The following AFG1L variants were observed in gnomAD, a reference collection of about 807,000 sequenced individuals.
AFG1L encodes the protein AFG1 like ATPase.
In AFG1L, 53 loss-of-function variants were observed where a neutral mutation model predicts 62.2. That is an observed-to-expected ratio of 0.85 (90% CI 0.68 to 1.07). The LOEUF is 1.07. AFG1L is among the 50% of genes least tolerant of loss of function. The probability of loss-of-function intolerance (pLI) is 0.00; values close to 1 mark genes in which losing one functional copy is unlikely to be tolerated. For synonymous variants in AFG1L, 228 were observed against 210.3 expected, an observed-to-expected ratio of 1.08 and a Z score of -0.73; for missense variants, 555 against 590.5, an observed-to-expected ratio of 0.94 and a Z score of 0.62.
At chr6:108,413,373 G>A (rs1327953984) in intron 7 of AFG1L, among the ~76,000 whole-genome samples, 4 of 152,136 alleles carry the variant, frequency 2.6e-5, no homozygotes, top group South Asian at 4.2e-4. Context: ...CAGAAAGTTA[G>A]CAAGGATATC....
chr6:108,344,809 C>T (rs747261092), intron 2 of AFG1L: 17 of 470,634 alleles, frequency 3.6e-5, no homozygotes, highest in Middle Eastern at 3.3e-4. Flanking sequence ...GAAGGTTACT[C>T]GTCTAAGTGT....
intron 6 of AFG1L, among the ~76,000 whole-genome samples, chr6:108,369,721 GC>G (rs1369813331): frequency 6.6e-6 from 1 of 151,942 alleles, no homozygotes; most frequent in East Asian, 1.9e-4. Context: ...CAGTTCTCCT[GC>G]CCCAGTCTCC....
chr6:108,425,918 T>C (rs934121161), intron 7 of AFG1L, among the ~76,000 whole-genome samples: 2 of 152,182 alleles, frequency 1.3e-5, no homozygotes, highest in Non-Finnish European at 2.9e-5. Context: ...CGATAACAAT[T>C]GACTATTGTT....
intron 2 of AFG1L, among the ~76,000 whole-genome samples, chr6:108,333,978 A>G (rs1475494996): frequency 6.6e-6 from 1 of 152,118 alleles, no homozygotes; most frequent in African/African-American, 2.4e-5. Context: ...TGATTGTGAG[A>G]TATTTCAACA....
chr6:108,322,967 GAC>G (rs1447329653), intron 1 of AFG1L, among the ~76,000 whole-genome samples: 1 of 152,196 alleles, frequency 6.6e-6, no homozygotes, highest in East Asian at 1.9e-4. Flanking sequence ...CTTTGAAGCA[GAC>G]ACTCTTGCTG....
chr6:108,466,761 ATAT>A (rs770029133), intron 8 of AFG1L, among the ~76,000 whole-genome samples: 86,996 of 142,874 alleles, frequency 0.61, 27,974 homozygotes, highest in African/African-American at 0.88. Context: ...ATTTGTTAAA[ATAT>A]ATATATTTTA....
intron 10 of AFG1L, among the ~76,000 whole-genome samples, chr6:108,486,485 T>G (rs1773578571): frequency 6.6e-6 from 1 of 152,226 alleles, no homozygotes; most frequent in South Asian, 2.1e-4. Context: ...ATGCTATTTT[T>G]GTTTTTTAAA....
intron 1 of AFG1L, among the ~76,000 whole-genome samples, chr6:108,304,130 A>G (rs1777114289): frequency 6.6e-6 from 1 of 152,236 alleles, no homozygotes; most frequent in African/African-American, 2.4e-5. Flanking sequence ...TATTTAAATC[A>G]AAAGCACCCT....
At chr6:108,498,973 C>A (rs1307415169) in intron 10 of AFG1L, among the ~76,000 whole-genome samples, 1 of 151,368 alleles carries the variant, frequency 6.6e-6, no homozygotes, top group Non-Finnish European at 1.5e-5. Flanking sequence ...GACTCTATTT[C>A]AAAAATATAT....
rs771311734 is a variant in AFG1L at position 108,439,241 on chromosome 6, C to T, written c.808-7973C>T. Among the ~76,000 whole-genome samples the T allele has an allele frequency of 3.5e-4, 54 of 152,154 alleles. 1 individual carries two copies. Among genetic ancestry groups the T allele is most frequent in the South Asian group, 6.2e-4 (3 of 4,824 alleles). On this transcript the variant is annotated intron_variant, in intron 7 of 12. Coordinates refer to ENST00000368977, the MANE Select transcript of AFG1L (RefSeq NM_145315.5). ...AACTTGAACAAATATCTGATTACTACCAGACTGTCAGAGCAAACGCTATAT... is the reference window on the plus strand; with the variant it reads ...AACTTGAACAAATATCTGATTACTATCAGACTGTCAGAGCAAACGCTATAT...
chr6:108,398,001 C>CT (rs552350169), intron 6 of AFG1L, among the ~76,000 whole-genome samples: 15 of 152,166 alleles, frequency 9.9e-5, no homozygotes, highest in South Asian at 2.1e-4. Flanking sequence ...TGTAGTAGCT[C>CT]TTTTTTTAGT....
chr6:108,467,039 A>G (rs1234025647), intron 8 of AFG1L, among the ~76,000 whole-genome samples: 1 of 152,024 alleles, frequency 6.6e-6, no homozygotes, highest in Non-Finnish European at 1.5e-5. Context: ...TATATGAAGC[A>G]ATATGTACTT....
At chr6:108,329,680 A>G (rs1221958308) in intron 2 of AFG1L, among the ~76,000 whole-genome samples, 1 of 152,202 alleles carries the variant, frequency 6.6e-6, no homozygotes, top group Non-Finnish European at 1.5e-5. Flanking sequence ...TAGTTTTTAA[A>G]GAGTGTAAAG....
intron 2 of AFG1L, among the ~76,000 whole-genome samples, chr6:108,337,534 G>A (rs1334619509): frequency 6.6e-6 from 1 of 152,108 alleles, no homozygotes; most frequent in Non-Finnish European, 1.5e-5. Context: ...CATAAATGCT[G>A]GTTGAATTGT....
rs570157258 is a variant in AFG1L, at chr6:108,333,435, G to A, written c.363+9387G>A. ...AAAAAAAAAAAATTGATTATGGATC[G>A]CTCTCTAGAATACATAAAGAACCCT... On this transcript the variant is annotated intron_variant, in intron 2 of 12. Transcript: ENST00000368977. Among the ~76,000 whole-genome samples, 45 of 150,648 alleles carry A rather than the reference G, an allele frequency of 3.0e-4. No individual in the cohort carries two copies. In the South Asian group the frequency reaches 4.6e-3, roughly 15 times the overall value.
intron 7 of AFG1L, among the ~76,000 whole-genome samples, chr6:108,416,777 G>A (rs189034868): frequency 2.4e-4 from 37 of 152,180 alleles, no homozygotes; most frequent in Admixed American, 1.8e-3. Context: ...CCTGTCATGC[G>A]GTGTGGGGAG....
rs757831522 is a variant in AFG1L at position 108,318,675 on chromosome 6, T to G, written c.140-5150T>G. ...AGTAGGATCTTCCTGAAACTTAGTT[T>G]AGGAGAATATAGTGAAATAAGGTAC... On this transcript the variant is annotated intron_variant, in intron 1 of 12. Coordinates refer to ENST00000368977, the MANE Select transcript of AFG1L (RefSeq NM_145315.5). Among the ~76,000 whole-genome samples, 61 of 152,222 alleles carry G rather than the reference T, an allele frequency of 4.0e-4. 1 individual carries two copies. The highest frequency in any genetic ancestry group is 3.1e-4 in the Non-Finnish European group (21 of 68,034).
At chr6:108,446,972 G>T (rs1771833112) in intron 7 of AFG1L, among the ~76,000 whole-genome samples, 1 of 152,252 alleles carries the variant, frequency 6.6e-6, no homozygotes, top group South Asian at 2.1e-4. Context: ...TTTAGGCAAT[G>T]TTTCAGAAAA....
At chr6:108,379,000 CTTTTTTTTTT>C (rs931030207) in intron 6 of AFG1L, among the ~76,000 whole-genome samples, 6 of 123,066 alleles carry the variant, frequency 4.9e-5, no homozygotes, top group East Asian at 2.2e-4. Context: ...TCTCCTTCTT[CTTTTTTTTTT>C]TTTTTTTTTT....
Sources: gnomAD v4.1 joint callset for allele counts (sites outside exome capture counted in the v4.1 genomes callset) on GRCh38, gnomAD v4.1.1 for gene constraint, MANE v1.5 for transcripts, NCBI Gene and HGNC (gene_info 2026-07-23, HGNC 2026-07-21) for gene names.